MARCHF6: variants seen among roughly 807,000 people sequenced by gnomAD.
MARCHF6 encodes the protein E3 ubiquitin-protein ligase MARCHF6.
In MARCHF6, 31 loss-of-function variants were observed where a neutral mutation model predicts 133.7. The ratio of observed to expected loss-of-function variants is 0.23; its 90% CI spans 0.17 to 0.31. The LOEUF (loss-of-function observed/expected upper bound fraction) is 0.31, where lower values mean the gene tolerates loss of function less well. Ranked by LOEUF, MARCHF6 falls within the 10% of genes least tolerant of loss-of-function variation. The pLI is 1.00. For synonymous variants in MARCHF6, 395 were observed against 402.5 expected, an observed-to-expected ratio of 0.98 and a Z score of 0.22; for missense variants, 723 against 1,121.6, an observed-to-expected ratio of 0.64 and a Z score of 5.08.
intron 1 of MARCHF6, among the ~76,000 whole-genome samples, chr5:10,370,613 C>A (rs1736412188): frequency 6.6e-6 from 1 of 151,686 alleles, no homozygotes; most frequent in African/African-American, 2.4e-5. Context: ...GTGTTCAGAT[C>A]TTTTGCTGAT....
chr5:10,411,601 C>G (rs1739236088), intron 19 of MARCHF6, 64 bp downstream of exon 19: 2 of 1,375,758 alleles, frequency 1.5e-6, no homozygotes. Context: ...CTCCAAATTG[C>G]TGTTGAGAAT....
Position 10,433,832 on chromosome 5 carries a change from G to T in MARCHF6, c.*148G>T. The T allele has an allele frequency of 1.5e-6, 1 of 651,646 alleles. No individual in the cohort carries two copies. The highest frequency in any genetic ancestry group is 2.7e-6 in the Non-Finnish European group (1 of 366,324). 40.4% of individuals were successfully genotyped at this position (651,646 alleles called of 1,614,324 possible). ...TTCTCAGCATTCAGAGAGCAGCGGT[G>T]TAAGATTCTGCTGTTCTCCCTGGAT... On this transcript the variant is annotated 3_prime_UTR_variant, in exon 26 of 26. Transcript: ENST00000274140.
At chr5:10,425,483 T>C (rs990632337) in intron 23 of MARCHF6, among the ~76,000 whole-genome samples, 18 of 152,248 alleles carry the variant, frequency 1.2e-4, no homozygotes, top group Non-Finnish European at 2.5e-4. Flanking sequence ...TGTGTGTCTC[T>C]GTAAATTTAA....
Position 10,407,088 on chromosome 5 carries a change from G to A in MARCHF6, c.1453-14G>A, listed in dbSNP as rs750797486. 4.0e-6 allele frequency: 6 copies of A among 1,508,846 alleles called. No individual in the cohort carries two copies. The Admixed American group carries it at 1.0e-4, about 26-fold the overall frequency. The allele number at this position is 1,508,846 out of a possible 1,614,324, so 93.5% of individuals were successfully genotyped here. Reference sequence around the variant, plus strand: ...GACTCTTATAGTGGTGTCATACCCTGTTTCCTTCTGCAGATTGTCTTTGGC... The same window carrying A: ...GACTCTTATAGTGGTGTCATACCCTATTTCCTTCTGCAGATTGTCTTTGGC... On this transcript the variant is annotated splice_polypyrimidine_tract_variant and intron_variant, in intron 16 of 25. Transcript: ENST00000274140.
chr5:10,430,620 T>A (rs988724850), intron 25 of MARCHF6, among the ~76,000 whole-genome samples: 4 of 152,298 alleles, frequency 2.6e-5, no homozygotes, highest in Non-Finnish European at 5.9e-5. Flanking sequence ...TTTTTTAATG[T>A]CCATTCCAAA....
chr5:10,385,268 A>G (rs1442379326), intron 4 of MARCHF6, among the ~76,000 whole-genome samples: 3 of 152,238 alleles, frequency 2.0e-5, no homozygotes, highest in East Asian at 3.8e-4. Context: ...TACCAAAGAT[A>G]TACATATTTT....
At chr5:10,408,570 G>T (rs371130345) in intron 17 of MARCHF6, among the ~76,000 whole-genome samples, 1 of 152,068 alleles carries the variant, frequency 6.6e-6, no homozygotes, top group Non-Finnish European at 1.5e-5. Context: ...AAAGAGTCTC[G>T]CTCTGTCACC....
rs1020297369 is a variant in MARCHF6 at position 10,354,028 on chromosome 5, C to T, written c.19+111C>T. The stretch of plus-strand genomic sequence containing the variant: ...TGCTGGATCGCGGCGGGGCGGACGC[C>T]TGGGCCGTTTGTCCACCCGCTGGGC... On this transcript the variant is annotated intron_variant, in intron 1 of 25. Transcript: ENST00000274140. The T allele has an allele frequency of 2.6e-6, 3 of 1,147,098 alleles. No homozygotes were observed. The African/African-American group carries it at 4.9e-5, about 19-fold the overall frequency. The allele number at this position is 1,147,098 out of a possible 1,614,324, so 71.1% of individuals were successfully genotyped here.
chr5:10,411,316 A>G lies in MARCHF6; in HGVS notation c.1692-17A>G, dbSNP rs1739217113. 2 of 1,605,562 alleles carry G rather than the reference A, an allele frequency of 1.2e-6. No individual in the cohort carries two copies. The highest frequency in any genetic ancestry group is 1.7e-6 in the Non-Finnish European group (2 of 1,172,238). ...TGACCTGAAGTGAGACTTGTTACTG[A>G]TGTAATTTTTGCACAGGGATCTTCA... On this transcript the variant is annotated splice_polypyrimidine_tract_variant and intron_variant, in intron 18 of 25. Transcript: ENST00000274140.
intron 18 of MARCHF6, 65 bp from the exon 19 acceptor site, chr5:10,411,268 G>C: frequency 8.1e-7 from 1 of 1,234,588 alleles, no homozygotes; most frequent in Non-Finnish European, 1.2e-6. Context: ...AAGAAAATGA[G>C]TGTCATGTCT....
intron 1 of MARCHF6, among the ~76,000 whole-genome samples, chr5:10,356,359 TTTA>T (rs1735463419): frequency 8.0e-6 from 1 of 124,844 alleles, no homozygotes; most frequent in East Asian, 2.0e-4. Context: ...TTTATTTTAT[TTTA>T]TTTTATTTTA....
chr5:10,405,978 G>A (rs543990106), intron 16 of MARCHF6, among the ~76,000 whole-genome samples: 3 of 152,262 alleles, frequency 2.0e-5, no homozygotes, highest in East Asian at 1.9e-4. Context: ...AGGAATGGCC[G>A]CACAGCAGGA....
At chr5:10,379,781 T>TA (rs1324474327) in intron 3 of MARCHF6, among the ~76,000 whole-genome samples, 1 of 151,998 alleles carries the variant, frequency 6.6e-6, no homozygotes, top group Non-Finnish European at 1.5e-5. Flanking sequence ...AAAAAAATAA[T>TA]AAAAAATAGA....
At chr5:10,370,639 T>C (rs868271188) in intron 1 of MARCHF6, among the ~76,000 whole-genome samples, 18 of 152,278 alleles carry the variant, frequency 1.2e-4, no homozygotes, top group African/African-American at 4.3e-4. Flanking sequence ...TTCAAACCAT[T>C]TTCTTTCTTT....
intron 7 of MARCHF6, among the ~76,000 whole-genome samples, chr5:10,392,995 A>G (rs1737965991): frequency 6.6e-6 from 1 of 152,208 alleles, no homozygotes; most frequent in Non-Finnish European, 1.5e-5. Context: ...AAAAGTAGGA[A>G]ATACACGTCA....
At chr5:10,406,198 A>T (rs1186747903) in intron 16 of MARCHF6, among the ~76,000 whole-genome samples, 1 of 151,992 alleles carries the variant, frequency 6.6e-6, no homozygotes, top group Non-Finnish European at 1.5e-5. Context: ...TTTTCCATGA[A>T]ACTGGTCCCT....
intron 1 of MARCHF6, among the ~76,000 whole-genome samples, chr5:10,357,538 C>A (rs1424993525): frequency 6.6e-6 from 1 of 152,030 alleles, no homozygotes; most frequent in African/African-American, 2.4e-5. Flanking sequence ...ATCACTATGG[C>A]AAAAATTTGA....
At chr5:10,353,986 C>T (rs935640259) in intron 1 of MARCHF6, 69 bp downstream of exon 1, 20 of 1,477,292 alleles carry the variant, frequency 1.4e-5, no homozygotes, top group Non-Finnish European at 1.6e-5. Flanking sequence ...GCCAGGTCCG[C>T]GGCGCTCGAG....
At chr5:10,385,489 T>G (rs980053793) in intron 4 of MARCHF6, among the ~76,000 whole-genome samples, 6 of 152,158 alleles carry the variant, frequency 3.9e-5, no homozygotes, top group Admixed American at 6.5e-5. Flanking sequence ...TCTGTAATCA[T>G]AAGGGTTTAG....
Sources: allele counts gnomAD v4.1 joint callset (sites outside exome capture counted in the v4.1 genomes callset), GRCh38; gene constraint gnomAD v4.1.1; transcripts MANE v1.5; gene names NCBI Gene and HGNC (gene_info 2026-07-23, HGNC 2026-07-21).